Variants in MIPEP observed in about 807,000 individuals in gnomAD.
MIPEP encodes the protein mitochondrial intermediate peptidase.
Under a neutral mutation model 90.3 loss-of-function variants are expected in MIPEP, and 79 were observed. The observed-to-expected ratio is 0.87, with a 90% CI of 0.73 to 1.05. MIPEP has a LOEUF of 1.05. MIPEP is among the 50% of genes least tolerant of loss of function. The pLI is 0.00. For synonymous variants in MIPEP, 334 were observed against 315.8 expected, an observed-to-expected ratio of 1.06 and a Z score of -0.61; for missense variants, 940 against 905.6, an observed-to-expected ratio of 1.04 and a Z score of -0.49.
Position 23,864,201 on chromosome 13 carries a change from T to C in MIPEP, c.944-12A>G. On this transcript the variant is annotated splice_polypyrimidine_tract_variant and intron_variant, in intron 7 of 18. Transcript: ENST00000382172. ...CTGCATGACAGTCTCTAAAACGAAATCCAAAAGAAAATATCTTCAATTATG... is the reference window on the plus strand; with the variant it reads ...CTGCATGACAGTCTCTAAAACGAAACCCAAAAGAAAATATCTTCAATTATG... 5 of 1,527,174 alleles carry C rather than the reference T, an allele frequency of 3.3e-6. 1 individual carries two copies. The highest frequency in any genetic ancestry group is 2.7e-6 in the Non-Finnish European group (3 of 1,126,690). The allele number at this position is 1,527,174 out of a possible 1,614,324, so 94.6% of individuals were successfully genotyped here. A position where few individuals can be genotyped will look rare whatever the true frequency, so the allele number is the denominator to read the frequency against.
At chr13:23,772,178 C>T (rs1466263690) in intron 16 of MIPEP, among the ~76,000 whole-genome samples, 1 of 152,140 alleles carries the variant, frequency 6.6e-6, no homozygotes, top group Non-Finnish European at 1.5e-5. Context: ...GAATAACTGA[C>T]AGAAATAAAG....
intron 18 of MIPEP, among the ~76,000 whole-genome samples, chr13:23,736,045 C>T (rs558429711): frequency 5.9e-5 from 9 of 152,148 alleles, no homozygotes; most frequent in Non-Finnish European, 8.8e-5. Flanking sequence ...TCCCCTTTGC[C>T]TTCAAGTCTT....
At chr13:23,869,165 G>A (rs1485979663) in intron 7 of MIPEP, 127 bp downstream of exon 7, 2 of 843,592 alleles carry the variant, frequency 2.4e-6, no homozygotes, top group Non-Finnish European at 3.4e-6. Flanking sequence ...AAAATACATA[G>A]AAAATCTCAA....
chr13:23,888,762 C>T lies in MIPEP; in HGVS notation c.189+370G>A, dbSNP rs190764314. ...ACGCACAGGGATAGGCCTCTTAAGG[C>T]AGGACTGTAGCGCTGGAGCTAAAGG... On this transcript the variant is annotated intron_variant, in intron 1 of 18. Coordinates refer to ENST00000382172, the MANE Select transcript of MIPEP (RefSeq NM_005932.4). The T allele has an allele frequency of 9.8e-5, 102 of 1,039,482 alleles. 1 individual carries two copies. In the Middle Eastern group the frequency reaches 5.4e-3, roughly 55 times the overall value. 64.4% of individuals were successfully genotyped at this position (1,039,482 alleles called of 1,614,324 possible).
At chr13:23,749,127 G>A (rs1952413662) in intron 18 of MIPEP, among the ~76,000 whole-genome samples, 3 of 152,254 alleles carry the variant, frequency 2.0e-5, no homozygotes, top group South Asian at 4.1e-4. Context: ...AATGTAAAAC[G>A]CCTTTTCTGT....
intron 17 of MIPEP, among the ~76,000 whole-genome samples, chr13:23,759,100 A>G (rs1374279630): frequency 2.0e-5 from 3 of 152,194 alleles, no homozygotes; most frequent in African/African-American, 4.8e-5. Flanking sequence ...AATGCTATAA[A>G]CAACTCTGAC....
chr13:23,874,363 T>A (rs565704641), intron 5 of MIPEP, among the ~76,000 whole-genome samples: 2 of 151,776 alleles, frequency 1.3e-5, no homozygotes, highest in Non-Finnish European at 3.0e-5. Context: ...AATCACTTTG[T>A]CTTGTTTCCA....
chr13:23,768,150 C>CA (rs1952611298), intron 16 of MIPEP, among the ~76,000 whole-genome samples: 2 of 18,706 alleles, frequency 1.1e-4, no homozygotes, highest in Admixed American at 2.7e-3. Context: ...AGGTGAACAC[C>CA]AGATGCCAGA....
intron 9 of MIPEP, among the ~76,000 whole-genome samples, chr13:23,859,775 A>G (rs1870208177): frequency 6.6e-6 from 1 of 152,204 alleles, no homozygotes; most frequent in South Asian, 2.1e-4. Flanking sequence ...GGCATTGAGT[A>G]AGGGCTCAAC....
At chr13:23,848,722 G>A (rs1300542019) in intron 10 of MIPEP, among the ~76,000 whole-genome samples, 2 of 152,152 alleles carry the variant, frequency 1.3e-5, no homozygotes, top group Admixed American at 6.5e-5. Context: ...GGCCCAAGGG[G>A]ATTCAAGCAA....
At chr13:23,865,689 A>C (rs2137508921) in intron 7 of MIPEP, among the ~76,000 whole-genome samples, 1 of 115,188 alleles carries the variant, frequency 8.7e-6, no homozygotes, top group African/African-American at 3.0e-5. Context: ...TTTTTTTTTG[A>C]GATGGAGTCT....
At chr13:23,877,792 T>C (rs779125499) in intron 4 of MIPEP, among the ~76,000 whole-genome samples, 3 of 152,214 alleles carry the variant, frequency 2.0e-5, no homozygotes, top group Non-Finnish European at 2.9e-5. Flanking sequence ...TAAAATATAG[T>C]TCTTTCTGGG....
chr13:23,767,826 C>T (rs1225827986), intron 16 of MIPEP, among the ~76,000 whole-genome samples: 5 of 151,970 alleles, frequency 3.3e-5, no homozygotes. Context: ...TTGAAAAGAG[C>T]GATTTGCCCA....
intron 16 of MIPEP, among the ~76,000 whole-genome samples, chr13:23,764,028 T>A (rs1307553371): frequency 6.6e-6 from 1 of 152,268 alleles, no homozygotes. Context: ...AATTATGATA[T>A]CCTCTTCCTT....
chr13:23,795,465 G>C (rs1314817456), intron 16 of MIPEP, among the ~76,000 whole-genome samples: 1 of 152,026 alleles, frequency 6.6e-6, no homozygotes, highest in Non-Finnish European at 1.5e-5. Flanking sequence ...ATATGATCAC[G>C]GTTACTTACC....
At chr13:23,833,302 G>T (rs562040962) in intron 14 of MIPEP, among the ~76,000 whole-genome samples, 9 of 152,210 alleles carry the variant, frequency 5.9e-5, no homozygotes, top group Non-Finnish European at 1.2e-4. Flanking sequence ...GAAGAGGCAA[G>T]CCCTTGTGAA....
chr13:23,870,519 C>T lies in MIPEP; in HGVS notation c.604-324G>A, dbSNP rs142599720. 6.5e-3 allele frequency among the ~76,000 whole-genome samples: 986 copies of T among 152,124 alleles called. 14 individuals carry two copies. Among genetic ancestry groups the T allele is most frequent in the African/African-American group, 0.022 (920 of 41,514 alleles). ...TGTTGAAATTAACAACATTGAAAAA[C>T]ACATGCCAGGTGCAGTGACTCACGC... is the stretch of plus-strand genomic sequence containing the variant. On this transcript the variant is annotated intron_variant, in intron 5 of 18. Transcript: ENST00000382172.
intron 18 of MIPEP, chr13:23,747,430 A>C: frequency 4.7e-6 from 2 of 427,498 alleles, no homozygotes; most frequent in East Asian, 1.4e-4. Flanking sequence ...TCCCCTACTT[A>C]TTATGCCTGC....
At chr13:23,849,327 G>T (rs1045964298) in intron 10 of MIPEP, among the ~76,000 whole-genome samples, 2 of 152,360 alleles carry the variant, frequency 1.3e-5, no homozygotes, top group Non-Finnish European at 2.9e-5. Flanking sequence ...ACAGAGCTTA[G>T]ATGCATTTTG....
Sources: allele counts gnomAD v4.1 joint callset (sites outside exome capture counted in the v4.1 genomes callset), GRCh38; gene constraint gnomAD v4.1.1; transcripts MANE v1.5; gene names NCBI Gene and HGNC (gene_info 2026-07-23, HGNC 2026-07-21).